Variants in FBXL5 observed in about 807,000 individuals in gnomAD.
The protein encoded by FBXL5 is F-box/LRR-repeat protein 5.
In FBXL5, 26 loss-of-function variants were observed where a neutral mutation model predicts 78.3. That is an observed-to-expected ratio of 0.33 (90% confidence interval 0.24 to 0.46). FBXL5 has a LOEUF of 0.46. FBXL5 is among the 20% of genes least tolerant of loss of function. The pLI is 1.00. For missense variants in FBXL5, 710 were observed against 829.2 expected (o/e 0.86, Z 1.77); for synonymous variants, 295 against 282.5 (o/e 1.04, Z -0.45).
intron 5 of FBXL5, among the ~76,000 whole-genome samples, chr4:15,631,910 T>C (rs1713712943): frequency 6.6e-6 from 1 of 152,218 alleles, no homozygotes; most frequent in African/African-American, 2.4e-5. Context: ...TGCAGAAGCC[T>C]TTAGTTTAAT....
chr4:15,625,766 A>G lies in FBXL5; in HGVS notation c.1336T>C (p.Cys446Arg), dbSNP rs1712981502. Residue 446 changes from cysteine to arginine, a missense_variant, in exon 9 of 11, where the codon TGT (cysteine) becomes CGT (arginine). Around this residue, in one of 4 missense-constraint regions of FBXL5, gnomAD observed 517 missense variants for 542.9 expected, o/e 0.95. Transcript: ENST00000341285. The stretch of plus-strand genomic sequence containing the variant: ...CCCTTGTTAGTTAAATCGTGCAAAC[A>G]GGCATACTGCTTGGTGGACTGCATG... ...ITMQSTKQYACLHDLTNKGIG... is the reference protein window; with the variant it reads ...ITMQSTKQYARLHDLTNKGIG... 1 of 1,614,190 alleles carries G rather than the reference A, an allele frequency of 6.2e-7. No homozygotes were observed. Among genetic ancestry groups the G allele is most frequent in the Admixed American group, 1.7e-5 (1 of 60,022 alleles).
chr4:15,618,621 A>G (rs1403204627), intron 9 of FBXL5, among the ~76,000 whole-genome samples: 1 of 151,946 alleles, frequency 6.6e-6, no homozygotes, highest in African/African-American at 2.4e-5. Context: ...CAGGTGGATC[A>G]CCTAAAGGTC....
intron 9 of FBXL5, among the ~76,000 whole-genome samples, chr4:15,612,683 G>A (rs891197299): frequency 6.6e-6 from 1 of 151,930 alleles, no homozygotes; most frequent in African/African-American, 2.4e-5. Context: ...ATTCTTAGAG[G>A]AAGTACTGAA....
intron 1 of FBXL5, among the ~76,000 whole-genome samples, chr4:15,667,225 G>A (rs962917246): frequency 5.3e-5 from 8 of 152,248 alleles, no homozygotes; most frequent in African/African-American, 9.6e-5. Flanking sequence ...ACATGATCAC[G>A]GGCAACCTCT....
chr4:15,609,497 T>TA (rs929593197), intron 10 of FBXL5, among the ~76,000 whole-genome samples: 1 of 152,044 alleles, frequency 6.6e-6, no homozygotes, highest in Non-Finnish European at 1.5e-5. Flanking sequence ...ATTAGAAACA[T>TA]AAAAGAGCAC....
Position 15,605,722 on chromosome 4 carries a change from G to A in FBXL5, c.*1C>T, listed in dbSNP as rs1313012946. ...AGTAGACAAAGATCAGAAGTCAAGG[G>A]TCATTCGCCAGAGCGGCAGCAGGCT... is the stretch of plus-strand genomic sequence containing the variant. On this transcript the variant is annotated 3_prime_UTR_variant, in exon 11 of 11. Transcript: ENST00000341285. 6.2e-7 allele frequency: 1 copy of A among 1,613,106 alleles called. No homozygotes were observed. Among genetic ancestry groups the A allele is most frequent in the Non-Finnish European group, 8.5e-7 (1 of 1,179,374 alleles).
upstream of FBXL5, among the ~76,000 whole-genome samples, chr4:15,662,294 G>A (rs1485534002): frequency 6.6e-6 from 1 of 152,130 alleles, no homozygotes; most frequent in East Asian, 1.9e-4. Flanking sequence ...AACTCTAGAG[G>A]GTAGTCTTCA....
intron 5 of FBXL5, among the ~76,000 whole-genome samples, chr4:15,635,846 C>G (rs1577457796): frequency 6.6e-6 from 1 of 150,414 alleles, no homozygotes; most frequent in African/African-American, 2.4e-5. Flanking sequence ...TTGTATTTAA[C>G]CCATAACTGC....
At chr4:15,615,169 C>T (rs1711670285) in intron 9 of FBXL5, among the ~76,000 whole-genome samples, 1 of 152,200 alleles carries the variant, frequency 6.6e-6, no homozygotes, top group South Asian at 2.1e-4. Flanking sequence ...GGCTCGGGAC[C>T]TGCAGCCTGC....
chr4:15,640,624 CG>C (rs200373906), intron 3 of FBXL5, among the ~76,000 whole-genome samples, 163 bp downstream of exon 3: 556 of 151,782 alleles, frequency 3.7e-3, no homozygotes, highest in Non-Finnish European at 6.1e-3. Context: ...ACAAAACAAA[CG>C]TTTTTTTTTT....
At chr4:15,614,937 G>T (rs1337872797) in intron 9 of FBXL5, among the ~76,000 whole-genome samples, 1 of 152,120 alleles carries the variant, frequency 6.6e-6, no homozygotes, top group African/African-American at 2.4e-5. Context: ...TGGGAACCGG[G>T]GCTGCGTGCG....
chr4:15,655,148 C>A (rs999162205), intron 1 of FBXL5, 56 bp downstream of exon 1: 1 of 1,303,604 alleles, frequency 7.7e-7, no homozygotes, highest in Admixed American at 2.5e-5. Flanking sequence ...AAGAACCCAG[C>A]CCGCTCCCCA....
chr4:15,632,894 T>C (rs1162550769), intron 5 of FBXL5, among the ~76,000 whole-genome samples: 1 of 152,166 alleles, frequency 6.6e-6, no homozygotes, highest in Non-Finnish European at 1.5e-5. Context: ...GAATACCCTT[T>C]ATTTCTTTCT....
chr4:15,619,027 G>A (rs561241616), intron 9 of FBXL5, among the ~76,000 whole-genome samples: 2 of 152,224 alleles, frequency 1.3e-5, no homozygotes, highest in Admixed American at 6.5e-5. Flanking sequence ...GGTAGCACAC[G>A]CCTGTGGTCC....
At chr4:15,642,495 C>A (rs1422265488) in intron 2 of FBXL5, among the ~76,000 whole-genome samples, 1 of 152,078 alleles carries the variant, frequency 6.6e-6, no homozygotes, top group Non-Finnish European at 1.5e-5. Flanking sequence ...CTCAGCCTCC[C>A]AAAATGCTAG....
At chr4:15,674,672 CAG>C (rs1717904384) in intron 1 of FBXL5, among the ~76,000 whole-genome samples, 1 of 147,156 alleles carries the variant, frequency 6.8e-6, no homozygotes, top group African/African-American at 2.5e-5. Flanking sequence ...TTTTTTGAGA[CAG>C]AGTCTCACTC....
intron 9 of FBXL5, among the ~76,000 whole-genome samples, chr4:15,616,230 C>T (rs566634858): frequency 6.6e-6 from 1 of 152,358 alleles, no homozygotes; most frequent in East Asian, 1.9e-4. Flanking sequence ...CGAGGGTCCG[C>T]GGCTTCATTC....
chr4:15,656,041 G>A (rs959977627), upstream of FBXL5, among the ~76,000 whole-genome samples: 1 of 152,244 alleles, frequency 6.6e-6, no homozygotes, highest in Non-Finnish European at 1.5e-5. Context: ...CAACGTGGGG[G>A]AAAAACAGTA....
intron 10 of FBXL5, among the ~76,000 whole-genome samples, chr4:15,607,857 T>G (rs545787961): frequency 6.6e-6 from 1 of 152,308 alleles, no homozygotes; most frequent in East Asian, 1.9e-4. Flanking sequence ...TAAATTTTTT[T>G]AAAGAAATAA....
Sources: gnomAD v4.1 joint callset for allele counts (sites outside exome capture counted in the v4.1 genomes callset) on GRCh38, gnomAD v4.1.1 for gene constraint, gnomAD v4.1.1 regional missense constraint, MANE v1.5 for transcripts, NCBI Gene and HGNC (gene_info 2026-07-23, HGNC 2026-07-21) for gene names.